The following RNF144A variants were observed in gnomAD, a reference collection of about 807,000 sequenced individuals.
RNF144A encodes the protein ring finger protein 144A.
In RNF144A, 11 loss-of-function variants were observed where a neutral mutation model predicts 38.7. The ratio of observed to expected loss-of-function variants is 0.28; its 90% confidence interval spans 0.18 to 0.47. RNF144A has a LOEUF of 0.47. Among genes scored for constraint, RNF144A ranks in the 20% least tolerant of loss-of-function variants. The pLI, the probability that RNF144A is intolerant of heterozygous loss-of-function variation, is 0.99. For synonymous variants in RNF144A, 149 were observed against 143.9 expected (o/e 1.04, Z -0.25); for missense variants, 316 against 377.2 (o/e 0.84, Z 1.34).
In RNF144A at chr2:7,041,890, G is replaced by T; in HGVS notation, c.*2130G>T. ...GCTCAGATGACCTTATTTCTAGAGG[G>T]ACAGGCTGTTCTGTTGGAAGAGTCT... On this transcript the variant is annotated 3_prime_UTR_variant, in exon 9 of 9. Coordinates refer to ENST00000320892, the MANE Select transcript of RNF144A (RefSeq NM_014746.6). The T allele has an allele frequency of 1.0e-6, 1 of 985,434 alleles. No homozygotes were observed. Among genetic ancestry groups the T allele is most frequent in the Non-Finnish European group, 1.2e-6 (1 of 829,956 alleles). 61.0% of individuals were successfully genotyped at this position (985,434 alleles called of 1,614,324 possible).
In RNF144A at chr2:6,967,070, A is replaced by T. The variant is rs963039022; in HGVS notation, c.-12+25923A>T. Reference sequence around the variant, plus strand: ...GGAGACAACTTTGTCTCCTCCCCACATACCATCCCCCATATGCCTGTATGA... The same window carrying T: ...GGAGACAACTTTGTCTCCTCCCCACTTACCATCCCCCATATGCCTGTATGA... On this transcript the variant is annotated intron_variant, in intron 2 of 8. Transcript: ENST00000320892. 2.0e-5 allele frequency among the ~76,000 whole-genome samples: 3 copies of T among 152,156 alleles called. No individual in the cohort carries two copies. The East Asian group carries it at 5.8e-4, about 29-fold the overall frequency.
In RNF144A at chr2:7,014,695, A is replaced by AT. The variant is rs3215278; in HGVS notation, c.241-8dup. 0.24 allele frequency: 375,788 copies of AT among 1,569,972 alleles called. 41,251 individuals are homozygous for AT. The highest frequency in any genetic ancestry group is 0.26 in the Non-Finnish European group (300,910 of 1,144,076). ...TCAGCTTGTTATCATTCCTGTTTGC[A>AT]TTTTTTTTTCCCTTAGATTGAGTGC... is the stretch of plus-strand genomic sequence containing the variant. On this transcript the variant is annotated splice_polypyrimidine_tract_variant and intron_variant, in intron 4 of 8. Transcript: ENST00000320892.
intron 1 of RNF144A, among the ~76,000 whole-genome samples, chr2:6,920,342 C>T (rs925311153): frequency 3.3e-5 from 5 of 152,146 alleles, no homozygotes; most frequent in Non-Finnish European, 7.3e-5. Flanking sequence ...ATGGGAACCT[C>T]GTAGCTTGGA....
rs1664201798 is a variant in RNF144A, at chr2:6,917,602, A to T, written c.-232A>T. The T allele has an allele frequency of 6.8e-6, 1 of 147,286 alleles. No homozygotes were observed. The highest frequency in any genetic ancestry group is 2.5e-5 in the African/African-American group (1 of 40,692). The allele number at this position is 147,286 out of a possible 1,614,324, so 9.1% of individuals were successfully genotyped here. ...CCGGGCGGAGGCGTCAGAGCCGCGC[A>T]CCGCGGACGAGCAGGCCCAGGTAGA... On this transcript the variant is annotated 5_prime_UTR_variant, in exon 1 of 9. Transcript: ENST00000320892. The surrounding 1 kb of genome is among the most constrained non-coding windows in gnomAD (Gnocchi z 4.8).
chr2:7,022,739 G>A (rs1374318589), intron 6 of RNF144A, among the ~76,000 whole-genome samples: 3 of 152,170 alleles, frequency 2.0e-5, no homozygotes, highest in Non-Finnish European at 4.4e-5. Context: ...CAAAATCAAA[G>A]TCATTCTCAG....
chr2:6,984,592 G>A (rs140557962), intron 2 of RNF144A, among the ~76,000 whole-genome samples: 22 of 152,186 alleles, frequency 1.4e-4, no homozygotes, highest in Non-Finnish European at 3.2e-4. Flanking sequence ...GTGAGCCACC[G>A]CACTCGGCCC....
intron 2 of RNF144A, among the ~76,000 whole-genome samples, chr2:6,948,953 C>G (rs1164502648): frequency 6.6e-6 from 1 of 152,096 alleles, no homozygotes; most frequent in Non-Finnish European, 1.5e-5. Context: ...CTGTGAAGTC[C>G]ATTGGTGGAC....
At chr2:7,063,630 A>G (rs1247552182) in intron 6 of RNF144A, among the ~76,000 whole-genome samples, 2 of 152,154 alleles carry the variant, frequency 1.3e-5, no homozygotes, top group African/African-American at 4.8e-5. Context: ...GCAGCTGACC[A>G]ACATTAAAGG....
At position 6,990,472 on chromosome 2, in the gene RNF144A, TAA is replaced by T. The variant is rs1245561188; in HGVS notation, c.-11-6443_-11-6442del. On this transcript the variant is annotated intron_variant, in intron 2 of 8. Transcript: ENST00000320892. ...TATATATAATATATAATATAACATA[TAA>T]TATATATAGCATAGCATATATATTA... Among the ~76,000 whole-genome samples the T allele has an allele frequency of 4.2e-4, 29 of 68,292 alleles. 1 individual carries two copies. Among genetic ancestry groups the T allele is most frequent in the African/African-American group, 1.7e-3 (28 of 16,018 alleles). 44.8% of individuals were successfully genotyped at this position (68,292 alleles called of 152,430 possible).
At chr2:7,039,265 G>A (rs973442991) in intron 8 of RNF144A, among the ~76,000 whole-genome samples, 3 of 148,602 alleles carry the variant, frequency 2.0e-5, no homozygotes, top group African/African-American at 7.5e-5. Flanking sequence ...GATGGTTAAT[G>A]GATGAATGGG....
intron 7 of RNF144A, 23 bp from the exon 8 acceptor site, chr2:7,030,103 G>C (rs369937188): frequency 1.3e-6 from 2 of 1,557,958 alleles, no homozygotes; most frequent in Non-Finnish European, 1.8e-6. Context: ...CGTTCATGCC[G>C]TCTCTGTCTC....
At position 7,005,398 on chromosome 2, in the gene RNF144A, G is replaced by A. The variant is rs538142264; in HGVS notation, c.135+8337G>A. ...CAGAGATGCGTGAATCCAGCCATCAGAGTTGCCTCTCCTAAGCAGAGGGCC... is the reference window on the plus strand; with the variant it reads ...CAGAGATGCGTGAATCCAGCCATCAAAGTTGCCTCTCCTAAGCAGAGGGCC... On this transcript the variant is annotated intron_variant, in intron 3 of 8. Transcript: ENST00000320892. 3.9e-5 allele frequency among the ~76,000 whole-genome samples: 6 copies of A among 152,332 alleles called. No individual in the cohort carries two copies. The East Asian group carries it at 1.2e-3, about 29-fold the overall frequency.
At chr2:7,027,544 C>T (rs1471141316) in intron 7 of RNF144A, among the ~76,000 whole-genome samples, 1 of 152,206 alleles carries the variant, frequency 6.6e-6, no homozygotes, top group Non-Finnish European at 1.5e-5. Context: ...CTAAAAACCA[C>T]ATCTTTGTGT....
At chr2:6,966,439 A>G (rs1458725644) in intron 2 of RNF144A, among the ~76,000 whole-genome samples, 1 of 152,228 alleles carries the variant, frequency 6.6e-6, no homozygotes, top group Non-Finnish European at 1.5e-5. Flanking sequence ...CAGCAACACG[A>G]AGACTAAACA....
At chr2:7,064,749 GGT>G (rs1674130627) in intron 6 of RNF144A, among the ~76,000 whole-genome samples, 1 of 152,208 alleles carries the variant, frequency 6.6e-6, no homozygotes, top group Non-Finnish European at 1.5e-5. Context: ...AAGGATAAAA[GGT>G]GGTATTTGAG....
intron 2 of RNF144A, among the ~76,000 whole-genome samples, chr2:6,968,186 G>A (rs1667788703): frequency 6.6e-6 from 1 of 152,188 alleles, no homozygotes; most frequent in Admixed American, 6.5e-5. Context: ...CCTTCCTCAA[G>A]GACCTTCTCT....
In RNF144A at chr2:7,014,469, G is replaced by A; in HGVS notation, c.151G>A (p.Val51Ile). 1 of 1,612,918 alleles carries A rather than the reference G, an allele frequency of 6.2e-7. No homozygotes were observed. Among genetic ancestry groups the A allele is most frequent in the Non-Finnish European group, 8.5e-7 (1 of 1,179,136 alleles). ...TTTCTTTCAGTGCCTGAAACAGTATGTTGAGCTCTTGATCAAAGAAGGATT... is the reference window on the plus strand; with the variant it reads ...TTTCTTTCAGTGCCTGAAACAGTATATTGAGCTCTTGATCAAAGAAGGATT... ...IFCTLCLKQY[V>I]ELLIKEGLET... The change falls in exon 4 of 9, where the codon GTT becomes ATT. Residue 51 changes from valine (V) to isoleucine (I), a missense_variant. Physicochemically the swap from Val to Ile is conservative, Grantham distance 29. Transcript: ENST00000320892.
intron 2 of RNF144A, among the ~76,000 whole-genome samples, chr2:6,987,063 G>A (rs1478333658): frequency 1.3e-5 from 2 of 152,092 alleles, no homozygotes; most frequent in African/African-American, 4.8e-5. Context: ...GCGTGGCTGT[G>A]TCTGGGTCCT....
chr2:6,995,522 A>C (rs1183628547), intron 2 of RNF144A, among the ~76,000 whole-genome samples: 1 of 152,180 alleles, frequency 6.6e-6, no homozygotes, highest in Admixed American at 6.5e-5. Context: ...CAAGTCCCAA[A>C]ATCTCAGAGG....
Sources: allele counts gnomAD v4.1 joint callset (sites outside exome capture counted in the v4.1 genomes callset), GRCh38; gene constraint gnomAD v4.1.1; non-coding constraint Gnocchi (gnomAD v3.1); transcripts MANE v1.5; gene names NCBI Gene and HGNC (gene_info 2026-07-23, HGNC 2026-07-21).